Variants in PRKG1 observed in about 807,000 individuals in gnomAD.
PRKG1 encodes the protein cGMP-dependent protein kinase 1.
PRKG1 carries 35 observed loss-of-function variants against 88.1 expected under a neutral mutation model. The ratio of observed to expected loss-of-function variants is 0.40; its 90% CI spans 0.30 to 0.53. The LOEUF is 0.53. Ranked by LOEUF, PRKG1 falls within the 20% of genes least tolerant of loss-of-function variation. PRKG1 has a pLI of 0.59. For missense variants in PRKG1, 540 were observed against 839.8 expected, an observed-to-expected ratio of 0.64 and a Z score of 4.41; for synonymous variants, 303 against 292.5, an observed-to-expected ratio of 1.04 and a Z score of -0.37.
intron 1 of PRKG1, among the ~76,000 whole-genome samples, chr10:51,017,247 G>A (rs1407731839): frequency 6.6e-6 from 1 of 151,898 alleles, no homozygotes. Context: ...AGTAGCACTT[G>A]GAATCAATAT....
chr10:51,829,818 T>C (rs1387806127), intron 4 of PRKG1, among the ~76,000 whole-genome samples: 2 of 152,184 alleles, frequency 1.3e-5, no homozygotes, highest in Non-Finnish European at 2.9e-5. Flanking sequence ...TTTAATAAAG[T>C]ATTAAGTAAT....
chr10:52,224,732 T>C (rs1438249943), intron 9 of PRKG1, among the ~76,000 whole-genome samples: 17 of 149,736 alleles, frequency 1.1e-4, no homozygotes. Flanking sequence ...TCACTTACAA[T>C]AATAGCCTCC....
chr10:51,980,217 T>C (rs1028942520), intron 5 of PRKG1, among the ~76,000 whole-genome samples: 6 of 152,208 alleles, frequency 3.9e-5, no homozygotes, highest in African/African-American at 1.4e-4. Context: ...TCTTGATTTC[T>C]ACCTTAATTT....
At chr10:51,828,961 G>A (rs182928277) in intron 4 of PRKG1, among the ~76,000 whole-genome samples, 6 of 152,118 alleles carry the variant, frequency 3.9e-5, no homozygotes, top group East Asian at 1.9e-4. Context: ...TTATCATCAC[G>A]CAGTTTTCAT....
chr10:51,780,443 T>G (rs541754452), intron 3 of PRKG1, among the ~76,000 whole-genome samples: 4 of 152,290 alleles, frequency 2.6e-5, no homozygotes, highest in Non-Finnish European at 1.5e-5. Flanking sequence ...GTCTTCAGTA[T>G]TTTATCAAAA....
chr10:51,867,983 G>A, intron 4 of PRKG1, among the ~76,000 whole-genome samples: 1 of 152,064 alleles, frequency 6.6e-6, no homozygotes. Flanking sequence ...TGGGTTTTGG[G>A]TTTTGTCTGT....
chr10:52,144,329 A>G (rs1837668658), intron 8 of PRKG1, among the ~76,000 whole-genome samples: 1 of 152,248 alleles, frequency 6.6e-6, no homozygotes, highest in Non-Finnish European at 1.5e-5. Flanking sequence ...ATCTCAAACT[A>G]AAATAATCTA....
intron 5 of PRKG1, among the ~76,000 whole-genome samples, chr10:52,019,874 G>A (rs1845137910): frequency 6.6e-6 from 1 of 152,166 alleles, no homozygotes; most frequent in Non-Finnish European, 1.5e-5. Flanking sequence ...GAGCTGAATA[G>A]CCTTAGGCAG....
chr10:51,697,764 G>A, intron 3 of PRKG1: 4 of 1,614,094 alleles, frequency 2.5e-6, no homozygotes, highest in Non-Finnish European at 3.4e-6. Flanking sequence ...CTTTGCTCAG[G>A]GGGCAGCATG....
At chr10:51,313,087 G>GTA (rs1378728121) in intron 2 of PRKG1, among the ~76,000 whole-genome samples, 2 of 151,992 alleles carry the variant, frequency 1.3e-5, no homozygotes, top group South Asian at 4.2e-4. Flanking sequence ...GTGTGTGTGT[G>GTA]TGTGTGTAGG....
At chr10:52,162,037 C>T (rs565060277) in intron 9 of PRKG1, 74 bp downstream of exon 9, 6 of 1,277,912 alleles carry the variant, frequency 4.7e-6, no homozygotes, top group Non-Finnish European at 6.7e-6. Context: ...TTTTGTTGGA[C>T]TTGACACATC....
chr10:51,297,727 T>C (rs1038861508), intron 2 of PRKG1, among the ~76,000 whole-genome samples: 33 of 152,270 alleles, frequency 2.2e-4, no homozygotes, highest in African/African-American at 7.7e-4. Context: ...CATTACTATG[T>C]AGGTTTTAAG....
At chr10:51,483,312 C>T (rs572096536) in intron 3 of PRKG1, among the ~76,000 whole-genome samples, 11 of 152,238 alleles carry the variant, frequency 7.2e-5, no homozygotes, top group African/African-American at 2.2e-4. Flanking sequence ...TGAGCCACCG[C>T]ACCCAGCCCC....
chr10:52,291,338 C>T (rs1842238802), intron 17 of PRKG1, among the ~76,000 whole-genome samples: 1 of 151,262 alleles, frequency 6.6e-6, no homozygotes, highest in Non-Finnish European at 1.5e-5. Flanking sequence ...ATGTGCCATG[C>T]TGGTGTGCTG....
chr10:51,705,783 G>A (rs994386714), intron 3 of PRKG1, among the ~76,000 whole-genome samples: 2 of 152,192 alleles, frequency 1.3e-5, no homozygotes, highest in South Asian at 2.1e-4. Flanking sequence ...CTAGCAGAAC[G>A]AGGATTTGAA....
chr10:51,954,668 T>C lies in PRKG1; in HGVS notation c.762+47098T>C, dbSNP rs549372309. On this transcript the variant is annotated intron_variant, in intron 5 of 17. Coordinates refer to ENST00000373980, the MANE Select transcript of PRKG1 (RefSeq NM_006258.4). ...ACTTGATTTCAGGAGGAGTCATATG[T>C]ATGTATCTTGGCGATTTGTAAGTCA... Among the ~76,000 whole-genome samples, 3 of 152,328 alleles carry C rather than the reference T, an allele frequency of 2.0e-5. No homozygotes were observed. The South Asian group carries it at 6.2e-4, about 32-fold the overall frequency.
At chr10:52,250,198 A>G (rs1199785534) in intron 9 of PRKG1, among the ~76,000 whole-genome samples, 2 of 152,208 alleles carry the variant, frequency 1.3e-5, no homozygotes, top group Admixed American at 6.5e-5. Context: ...AGTTAATGAC[A>G]GATGTCTACA....
At chr10:52,185,745 C>A (rs1253338365) in intron 9 of PRKG1, among the ~76,000 whole-genome samples, 1 of 152,234 alleles carries the variant, frequency 6.6e-6, no homozygotes. Flanking sequence ...TTTACTCTTG[C>A]ATTTCGTGCA....
intron 5 of PRKG1, among the ~76,000 whole-genome samples, chr10:52,035,215 A>T (rs932478922): frequency 1.3e-5 from 2 of 152,126 alleles, no homozygotes; most frequent in Non-Finnish European, 2.9e-5. Context: ...CAGTGAAAGT[A>T]TCTACCTAGA....
Sources: gnomAD v4.1 joint callset for allele counts (sites outside exome capture counted in the v4.1 genomes callset) on GRCh38, gnomAD v4.1.1 for gene constraint, MANE v1.5 for transcripts, NCBI Gene and HGNC (gene_info 2026-07-23, HGNC 2026-07-21) for gene names.